CDKAL1: variants seen among roughly 807,000 people sequenced by gnomAD.
CDKAL1 encodes the protein CDKAL1 threonylcarbamoyladenosine tRNA methylthiotransferase, also known as threonylcarbamoyladenosine tRNA methylthiotransferase.
Under a neutral mutation model 68.2 loss-of-function variants are expected in CDKAL1, and 32 were observed. The observed-to-expected ratio is 0.47, with a 90% CI of 0.35 to 0.63. The LOEUF is 0.63. Among genes scored for constraint, CDKAL1 ranks in the 30% least tolerant of loss-of-function variants. The probability of loss-of-function intolerance (pLI) is 0.00; values close to 1 mark genes in which losing one functional copy is unlikely to be tolerated. For synonymous variants in CDKAL1, 234 were observed against 244.3 expected, an observed-to-expected ratio of 0.96 and a Z score of 0.39; for missense variants, 606 against 696.7, an observed-to-expected ratio of 0.87 and a Z score of 1.47.
At chr6:21,041,127 C>T (rs1769898253) in intron 11 of CDKAL1, among the ~76,000 whole-genome samples, 1 of 152,128 alleles carries the variant, frequency 6.6e-6, no homozygotes, top group African/African-American at 2.4e-5. Context: ...AAGCTGTGTT[C>T]TCACGTCTGC....
chr6:20,740,873 C>A (rs1773424906), intron 6 of CDKAL1, among the ~76,000 whole-genome samples: 1 of 152,092 alleles, frequency 6.6e-6, no homozygotes, highest in Non-Finnish European at 1.5e-5. Context: ...ATATGGGACT[C>A]CCGAGTTATC....
intron 9 of CDKAL1, among the ~76,000 whole-genome samples, chr6:20,876,688 C>T (rs909727001): frequency 3.3e-5 from 5 of 152,150 alleles, no homozygotes; most frequent in Non-Finnish European, 5.9e-5. Flanking sequence ...TTCTTAGCCA[C>T]TTGTAACAGG....
At chr6:20,828,380 C>T (rs1015705177) in intron 8 of CDKAL1, among the ~76,000 whole-genome samples, 1 of 151,920 alleles carries the variant, frequency 6.6e-6, no homozygotes, top group African/African-American at 2.4e-5. Flanking sequence ...AGACATGCAC[C>T]ACCGTGACTG....
chr6:20,766,791 G>T (rs553351480), intron 7 of CDKAL1, among the ~76,000 whole-genome samples: 1 of 151,792 alleles, frequency 6.6e-6, no homozygotes, highest in Non-Finnish European at 1.5e-5. Context: ...CAGGGTTCTC[G>T]TTTCTCAACC....
intron 4 of CDKAL1, among the ~76,000 whole-genome samples, chr6:20,645,839 C>A (rs7739974): frequency 0.85 from 128,000 of 150,954 alleles, 54,682 homozygotes; most frequent in African/African-American, 0.96. Flanking sequence ...GTTTGTTAAA[C>A]GCTAAGACAG....
At chr6:21,083,792 T>C (rs946964155) in intron 12 of CDKAL1, among the ~76,000 whole-genome samples, 3 of 152,206 alleles carry the variant, frequency 2.0e-5, no homozygotes, top group South Asian at 4.1e-4. Flanking sequence ...TTTCATGATA[T>C]TGACATTTTT....
chr6:21,047,095 T>TG (rs565740054), intron 11 of CDKAL1, among the ~76,000 whole-genome samples: 16 of 97,000 alleles, frequency 1.6e-4, no homozygotes, highest in African/African-American at 4.7e-4. Flanking sequence ...ATTTTTTGTG[T>TG]TTTTTTTTTT....
intron 7 of CDKAL1, among the ~76,000 whole-genome samples, chr6:20,759,877 A>G (rs892258567): frequency 3.9e-5 from 6 of 152,182 alleles, no homozygotes; most frequent in African/African-American, 1.4e-4. Flanking sequence ...GTGAATTGAA[A>G]GTCTCACTTA....
Position 20,940,312 on chromosome 6 carries a change from T to C in CDKAL1, c.743-15107T>C, listed in dbSNP as rs185900124. Among the ~76,000 whole-genome samples, 8 of 152,314 alleles carry C rather than the reference T, an allele frequency of 5.3e-5. No homozygotes were observed. The East Asian group carries it at 1.3e-3, about 26-fold the overall frequency. On this transcript the variant is annotated intron_variant, in intron 9 of 15. Transcript: ENST00000274695. ...TTTCTGTTGATTAATTAGGAGAAAG[T>C]ATAATTTATTAATATATTTCTATTA...
At chr6:20,629,962 T>G (rs1767601747) in intron 4 of CDKAL1, among the ~76,000 whole-genome samples, 1 of 152,134 alleles carries the variant, frequency 6.6e-6, no homozygotes, top group African/African-American at 2.4e-5. Flanking sequence ...CAAGCGATTC[T>G]CTTCTCTCAG....
chr6:20,888,657 G>A (rs1761218153), intron 9 of CDKAL1, among the ~76,000 whole-genome samples: 1 of 150,454 alleles, frequency 6.6e-6, no homozygotes, highest in Non-Finnish European at 1.5e-5. Flanking sequence ...TGCTGAGAAT[G>A]ATGATTTCCA....
chr6:20,954,629 C>G (rs1373839517), intron 9 of CDKAL1, among the ~76,000 whole-genome samples: 1 of 152,102 alleles, frequency 6.6e-6, no homozygotes, highest in African/African-American at 2.4e-5. Context: ...CTCTTGCTGA[C>G]TCTGTTTTAT....
chr6:20,999,663 T>A (rs1191805224), intron 10 of CDKAL1, among the ~76,000 whole-genome samples: 2 of 93,390 alleles, frequency 2.1e-5, no homozygotes, highest in Admixed American at 1.2e-4. Context: ...TGACTGAAAT[T>A]AAAAAAAAAA....
At chr6:21,111,472 CTT>C (rs1309081974) in intron 13 of CDKAL1, among the ~76,000 whole-genome samples, 9 of 152,176 alleles carry the variant, frequency 5.9e-5, no homozygotes, top group Non-Finnish European at 1.5e-5. Context: ...TGTATTTGCT[CTT>C]CTTTCCTTCC....
intron 12 of CDKAL1, among the ~76,000 whole-genome samples, chr6:21,067,480 T>C (rs997834735): frequency 1.3e-5 from 2 of 152,062 alleles, no homozygotes; most frequent in Non-Finnish European, 2.9e-5. Context: ...GGCGTGGTGG[T>C]GGGCGCCTGT....
intron 2 of CDKAL1, among the ~76,000 whole-genome samples, chr6:20,544,711 G>A (rs1258547815): frequency 1.3e-5 from 2 of 151,290 alleles, no homozygotes; most frequent in Non-Finnish European, 2.9e-5. Flanking sequence ...ATTTAGGATA[G>A]TCTTATCTAT....
At chr6:20,701,508 G>A (rs1336698174) in intron 5 of CDKAL1, among the ~76,000 whole-genome samples, 2 of 152,052 alleles carry the variant, frequency 1.3e-5, no homozygotes, top group Non-Finnish European at 2.9e-5. Context: ...ATGACCCCTC[G>A]AGTAGAGGAT....
chr6:20,843,977 C>T (rs181338722), intron 8 of CDKAL1, among the ~76,000 whole-genome samples: 57 of 151,496 alleles, frequency 3.8e-4, no homozygotes, highest in Non-Finnish European at 6.6e-4. Flanking sequence ...TGGAGACACT[C>T]GAGGAAAAAA....
intron 9 of CDKAL1, among the ~76,000 whole-genome samples, chr6:20,926,172 T>A (rs1763175819): frequency 6.6e-6 from 1 of 152,056 alleles, no homozygotes. Context: ...CTATGGAAAT[T>A]CGCTGCAGAA....
Sources: allele counts gnomAD v4.1 joint callset (sites outside exome capture counted in the v4.1 genomes callset), GRCh38; gene constraint gnomAD v4.1.1; transcripts MANE v1.5; gene names NCBI Gene and HGNC (gene_info 2026-07-23, HGNC 2026-07-21).